The following RIC8B variants were observed in gnomAD, a reference collection of about 807,000 sequenced individuals.
RIC8B encodes the protein RIC8 guanine nucleotide exchange factor B, also known as chaperone Ric-8B.
A neutral mutation model predicts 57.5 loss-of-function variants in RIC8B; 16 were observed. The observed-to-expected ratio is 0.28, with a 90% CI of 0.19 to 0.42. The LOEUF (loss-of-function observed/expected upper bound fraction) is 0.42. RIC8B is among the 10% of genes least tolerant of loss of function. RIC8B has a pLI of 1.00. For missense variants in RIC8B, 481 were observed against 677.0 expected (o/e 0.71, Z 3.21); for synonymous variants, 216 against 250.8 (o/e 0.86, Z 1.31).
intron 2 of RIC8B, among the ~76,000 whole-genome samples, chr12:106,804,593 T>A (rs2044919114): frequency 6.6e-6 from 1 of 152,242 alleles, no homozygotes; most frequent in African/African-American, 2.4e-5. Context: ...TCCAGAGCTT[T>A]AATAACCTAT....
At chr12:106,814,475 T>A (rs952215057) in intron 2 of RIC8B, among the ~76,000 whole-genome samples, 8 of 152,230 alleles carry the variant, frequency 5.3e-5, no homozygotes, top group Non-Finnish European at 1.0e-4. Flanking sequence ...GAGACGTTAA[T>A]CTTTATTTCT....
intron 3 of RIC8B, among the ~76,000 whole-genome samples, chr12:106,817,918 G>C (rs1045315556): frequency 6.6e-6 from 1 of 151,260 alleles, no homozygotes; most frequent in Non-Finnish European, 1.5e-5. Context: ...TTGATTGTCC[G>C]ACAAAAGACA....
intron 4 of RIC8B, among the ~76,000 whole-genome samples, chr12:106,830,882 T>G (rs574516446): frequency 6.6e-6 from 1 of 152,324 alleles, no homozygotes; most frequent in South Asian, 2.1e-4. Flanking sequence ...ATCACAGATT[T>G]TTTTTTAGTA....
chr12:106,861,158 T>C (rs1949915963), intron 8 of RIC8B, among the ~76,000 whole-genome samples: 1 of 152,120 alleles, frequency 6.6e-6, no homozygotes. Context: ...ATTTGAGCTA[T>C]GTTTTTTCTG....
intron 3 of RIC8B, among the ~76,000 whole-genome samples, chr12:106,822,099 A>AG (rs2045875702): frequency 1.3e-5 from 2 of 149,562 alleles, no homozygotes; most frequent in East Asian, 2.0e-4. Flanking sequence ...AAAAAAAAAA[A>AG]AAGAAGAAAA....
intron 4 of RIC8B, among the ~76,000 whole-genome samples, chr12:106,837,499 A>C (rs1344146724): frequency 6.6e-6 from 1 of 152,194 alleles, no homozygotes; most frequent in Non-Finnish European, 1.5e-5. Context: ...CCAGAGAATA[A>C]GTTCTGTGAG....
At chr12:106,784,633 G>T (rs933310420) in intron 2 of RIC8B, among the ~76,000 whole-genome samples, 1 of 152,194 alleles carries the variant, frequency 6.6e-6, no homozygotes, top group Non-Finnish European at 1.5e-5. Flanking sequence ...AAAGTGCTGG[G>T]ATTACAGGTG....
At chr12:106,869,298 A>G (rs754094069) in intron 8 of RIC8B, among the ~76,000 whole-genome samples, 2 of 152,288 alleles carry the variant, frequency 1.3e-5, no homozygotes, top group South Asian at 4.2e-4. Context: ...ATAGTAATAG[A>G]TAACAGTACG....
chr12:106,774,884 G>T, intron 1 of RIC8B, 55 bp downstream of exon 1: 2 of 1,325,616 alleles, frequency 1.5e-6, no homozygotes, highest in Non-Finnish European at 1.0e-6. Flanking sequence ...CGCCCTCCGT[G>T]CTTGCACATC....
Position 106,887,801 on chromosome 12 carries a change from A to T in RIC8B, c.*1786A>T, listed in dbSNP as rs1951242414. On this transcript the variant is annotated 3_prime_UTR_variant, in exon 10 of 10. Transcript: ENST00000392837. ...AAAGGATACTCTAGTTGACCCAGAA[A>T]ATGTGTGTACAACAGTATGGCCCGT... 6.6e-6 allele frequency: 1 copy of T among 152,250 alleles called. No homozygotes were observed. Among genetic ancestry groups the T allele is most frequent in the South Asian group, 2.1e-4 (1 of 4,834 alleles). The allele number at this position is 152,250 out of a possible 1,614,324, so 9.4% of individuals were successfully genotyped here.
At position 106,879,402 on chromosome 12, in the gene RIC8B, CAT is replaced by C. The variant is rs1324158151; in HGVS notation, c.1572-6498_1572-6497del. 22 of 985,014 alleles carry C rather than the reference CAT, an allele frequency of 2.2e-5. No homozygotes were observed. Among genetic ancestry groups the C allele is most frequent in the Non-Finnish European group, 2.4e-5 (20 of 829,868 alleles). The allele number at this position is 985,014 out of a possible 1,614,324, so 61.0% of individuals were successfully genotyped here. ...CACTGTCATTTTTGGGGGAAAGAGTCATATAGGAACCAGAAGCCCTAAAAAGC... is the reference window on the plus strand; with the variant it reads ...CACTGTCATTTTTGGGGGAAAGAGTCATAGGAACCAGAAGCCCTAAAAAGC... On this transcript the variant is annotated intron_variant, in intron 9 of 9. Coordinates refer to ENST00000392837, the MANE Select transcript of RIC8B (RefSeq NM_001330145.2). The surrounding 1 kb of genome is among the most constrained non-coding windows in gnomAD (Gnocchi z 4.9).
chr12:106,835,147 A>C (rs1159774120), intron 4 of RIC8B, among the ~76,000 whole-genome samples: 4 of 152,018 alleles, frequency 2.6e-5, no homozygotes, highest in Non-Finnish European at 1.5e-5. Context: ...GCCCACTGTA[A>C]TCAGGCTTCT....
At chr12:106,873,121 C>T in intron 9 of RIC8B, 1 of 985,370 alleles carries the variant, frequency 1.0e-6, no homozygotes. Context: ...TTAAACTATG[C>T]CTCAAAGAAG....
chr12:106,787,685 T>TAA (rs2044094186), intron 2 of RIC8B, among the ~76,000 whole-genome samples: 1 of 152,094 alleles, frequency 6.6e-6, no homozygotes, highest in African/African-American at 2.4e-5. Flanking sequence ...AAACCCCCGA[T>TAA]AAGCCCATCA....
Position 106,853,453 on chromosome 12 carries a change from C to CTTTTTTTTTTT in RIC8B, c.1306+1882_1306+1892dup, listed in dbSNP as rs758876525. 4.4e-3 allele frequency among the ~76,000 whole-genome samples: 166 copies of CTTTTTTTTTTT among 38,042 alleles called. 34 individuals are homozygous for CTTTTTTTTTTT. The highest frequency in any genetic ancestry group is 0.011 in the East Asian group (9 of 834). The allele number at this position is 38,042 out of a possible 152,430, so 25.0% of individuals were successfully genotyped here. ...GACCTCAACAATTCTGCTTTATAGTCTTTTTTTTTTTTTTTTTTTTTTTTT... is the reference window on the plus strand; with the variant it reads ...GACCTCAACAATTCTGCTTTATAGTCTTTTTTTTTTTTTTTTTTTTTTTTTTTTTTTTTTTT... On this transcript the variant is annotated intron_variant, in intron 7 of 9. Transcript: ENST00000392837.
At chr12:106,874,441 AATGAATGG>A in intron 9 of RIC8B, 3 of 1,469,090 alleles carry the variant, frequency 2.0e-6, no homozygotes, top group Non-Finnish European at 2.8e-6. Context: ...TGATGTGGCC[AATGAATGG>A]ACACTAGACA....
intron 2 of RIC8B, among the ~76,000 whole-genome samples, chr12:106,811,897 C>T (rs2045350277): frequency 6.6e-6 from 1 of 152,174 alleles, no homozygotes; most frequent in Non-Finnish European, 1.5e-5. Flanking sequence ...ACCTTTGAAA[C>T]ATGGAAGCAG....
At chr12:106,844,195 G>A (rs925718756) in intron 6 of RIC8B, among the ~76,000 whole-genome samples, 13 of 152,186 alleles carry the variant, frequency 8.5e-5, no homozygotes, top group Non-Finnish European at 1.9e-4. Flanking sequence ...CCCTTGGGAA[G>A]TTTATTTTGT....
At chr12:106,825,471 A>G (rs968460148) in intron 3 of RIC8B, among the ~76,000 whole-genome samples, 8 of 152,222 alleles carry the variant, frequency 5.3e-5, no homozygotes, top group Admixed American at 5.2e-4. Flanking sequence ...AATGAAAAAA[A>G]GTCTCTAGCG....
Sources: allele counts gnomAD v4.1 joint callset (sites outside exome capture counted in the v4.1 genomes callset), GRCh38; gene constraint gnomAD v4.1.1; non-coding constraint Gnocchi (gnomAD v3.1); transcripts MANE v1.5; gene names NCBI Gene and HGNC (gene_info 2026-07-23, HGNC 2026-07-21).